Variants in KIF1B observed in about 807,000 individuals in gnomAD.
KIF1B encodes the protein kinesin-like protein KIF1B.
In KIF1B, 76 loss-of-function variants were observed where a neutral mutation model predicts 241.9. The ratio of observed to expected loss-of-function variants is 0.31; its 90% CI spans 0.26 to 0.38. The LOEUF (loss-of-function observed/expected upper bound fraction) is 0.38, where lower values mean the gene tolerates loss of function less well. KIF1B is among the 10% of genes least tolerant of loss of function. KIF1B has a pLI of 1.00. For missense variants in KIF1B, 1,622 were observed against 2,271.4 expected (o/e 0.71, Z 5.81); for synonymous variants, 750 against 796.7 (o/e 0.94, Z 0.99).
chr1:10,256,165 G>A, intron 2 of KIF1B, 82 bp from the exon 3 acceptor site: 1 of 891,448 alleles, frequency 1.1e-6, no homozygotes, highest in Non-Finnish European at 1.9e-6. Flanking sequence ...TGATTGGGAT[G>A]TTTTGAACAC....
At chr1:10,223,561 T>G (rs1282160360) in intron 1 of KIF1B, among the ~76,000 whole-genome samples, 6 of 150,976 alleles carry the variant, frequency 4.0e-5, no homozygotes, top group African/African-American at 7.3e-5. Context: ...TTTTTTTTTT[T>G]TTTTTAGACG....
chr1:10,308,001 G>T (rs1650910518), intron 22 of KIF1B: 5 of 1,056,956 alleles, frequency 4.7e-6, no homozygotes, highest in Admixed American at 5.4e-5. Flanking sequence ...GTGACCTTTT[G>T]TGCTTTAGGT....
At chr1:10,304,988 TG>T in intron 22 of KIF1B, 1 of 1,128,242 alleles carries the variant, frequency 8.9e-7, no homozygotes, top group Non-Finnish European at 1.1e-6. Context: ...TAAATTAATC[TG>T]ACATCCAGAA....
chr1:10,225,205 G>A (rs1646895011), intron 1 of KIF1B, among the ~76,000 whole-genome samples: 1 of 152,158 alleles, frequency 6.6e-6, no homozygotes, highest in Admixed American at 6.6e-5. Context: ...CTTGACTAAG[G>A]CTGGGTGTGG....
rs529036136 is a variant in KIF1B, at chr1:10,366,047, A to G, written c.4752+399A>G. On this transcript the variant is annotated intron_variant, in intron 43 of 48. Coordinates refer to ENST00000676179, the MANE Select transcript of KIF1B (RefSeq NM_001365951.3). ...GGAGTTCGAGACCAGCCTGGCCAACATGGTGAAACCCTGTCTCTACTAAAA... is the reference window on the plus strand; with the variant it reads ...GGAGTTCGAGACCAGCCTGGCCAACGTGGTGAAACCCTGTCTCTACTAAAA... 7.9e-5 allele frequency among the ~76,000 whole-genome samples: 12 copies of G among 152,184 alleles called. No homozygotes were observed. The East Asian group carries it at 1.9e-3, about 25-fold the overall frequency.
chr1:10,335,047 C>T (rs1652113843), intron 28 of KIF1B, among the ~76,000 whole-genome samples: 1 of 151,904 alleles, frequency 6.6e-6, no homozygotes, highest in African/African-American at 2.4e-5. Flanking sequence ...AGCCATCCTC[C>T]CACCTCAGCC....
At chr1:10,213,550 G>C (rs1180407217) in intron 1 of KIF1B, among the ~76,000 whole-genome samples, 3 of 152,078 alleles carry the variant, frequency 2.0e-5, no homozygotes, top group Non-Finnish European at 4.4e-5. Context: ...CTGCCTTCCT[G>C]TTTGTAATCC....
chr1:10,358,513 A>G (rs977792825), intron 38 of KIF1B, among the ~76,000 whole-genome samples: 1 of 152,124 alleles, frequency 6.6e-6, no homozygotes, highest in Non-Finnish European at 1.5e-5. Context: ...AAATGGGACA[A>G]ATAAGCCCCG....
intron 15 of KIF1B, among the ~76,000 whole-genome samples, chr1:10,285,714 T>A (rs12120191): frequency 6.6e-6 from 1 of 151,940 alleles, no homozygotes; most frequent in Non-Finnish European, 1.5e-5. Context: ...GGTGAGAATT[T>A]CTTTCGGGCA....
At chr1:10,375,218 G>C (rs200479957) in intron 47 of KIF1B, 37 bp from the exon 48 acceptor site, 2 of 1,567,548 alleles carry the variant, frequency 1.3e-6, no homozygotes, top group African/African-American at 1.3e-5. Flanking sequence ...TGCTGTCTCT[G>C]TAGTAACTTT....
Position 10,341,965 on chromosome 1 carries a change from A to C in KIF1B, c.3514-85A>C, listed in dbSNP as rs1198560282. 17 of 975,270 alleles carry C rather than the reference A, an allele frequency of 1.7e-5. No homozygotes were observed. In the South Asian group the frequency reaches 1.9e-4, roughly 11 times the overall value. The allele number at this position is 975,270 out of a possible 1,614,324, so 60.4% of individuals were successfully genotyped here. On this transcript the variant is annotated intron_variant, in intron 32 of 48. Coordinates refer to ENST00000676179, the MANE Select transcript of KIF1B (RefSeq NM_001365951.3). Reference sequence around the variant, plus strand: ...AGACCTTGCCTCAAAAAAAAAAAAAAAAACCCAAAATACGTACTAAAGTTC... The same window carrying C: ...AGACCTTGCCTCAAAAAAAAAAAAACAAACCCAAAATACGTACTAAAGTTC...
At chr1:10,215,160 A>ATTT (rs1646748155) in intron 1 of KIF1B, among the ~76,000 whole-genome samples, 1 of 69,750 alleles carries the variant, frequency 1.4e-5, no homozygotes, top group Non-Finnish European at 2.5e-5. Context: ...ATATATATAT[A>ATTT]TATATATATA....
chr1:10,369,938 G>GAAAACAA (rs1638681616), intron 44 of KIF1B, among the ~76,000 whole-genome samples: 1 of 148,526 alleles, frequency 6.7e-6, no homozygotes. Context: ...GCCTCAAAAA[G>GAAAACAA]AAAACAAAAA....
intron 22 of KIF1B, among the ~76,000 whole-genome samples, chr1:10,301,570 G>A (rs1157565474): frequency 6.6e-6 from 1 of 152,086 alleles, no homozygotes; most frequent in Non-Finnish European, 1.5e-5. Flanking sequence ...GGAGGCTGAG[G>A]CAGGAGAATT....
At position 10,365,216 on chromosome 1, in the gene KIF1B, G is replaced by A; in HGVS notation, c.4483G>A (p.Glu1495Lys). ...CAGCCTCATCCTTGAGCACCAGTGG[G>A]AGCTGGAGAAGCTGGAGCTCCTACA... ...GDSLILEHQW[E>K]LEKLELLHEV... The change falls in exon 42 of 49, where the codon GAG (glutamate) becomes AAG (lysine). Residue 1495 changes from glutamate (E) to lysine (K), a missense_variant. This residue lies in a region of KIF1B where 357 missense variants were observed against 409.0 expected (regional missense o/e 0.87). Coordinates refer to ENST00000676179, the MANE Select transcript of KIF1B (RefSeq NM_001365951.3). This position sits in a 1 kb window ranked among gnomAD's most constrained non-coding sequence, Gnocchi z 4.0. 3 of 1,614,082 alleles carry A rather than the reference G, an allele frequency of 1.9e-6. No homozygotes were observed. Among genetic ancestry groups the A allele is most frequent in the Non-Finnish European group, 2.5e-6 (3 of 1,180,010 alleles).
At chr1:10,320,628 C>A (rs1380626270) in intron 23 of KIF1B, among the ~76,000 whole-genome samples, 2 of 152,210 alleles carry the variant, frequency 1.3e-5, no homozygotes, top group Non-Finnish European at 2.9e-5. Context: ...TGAACACTTA[C>A]CACAATTCGT....
At chr1:10,294,018 A>G (rs1650138337) in intron 17 of KIF1B, among the ~76,000 whole-genome samples, 1 of 152,186 alleles carries the variant, frequency 6.6e-6, no homozygotes, top group Non-Finnish European at 1.5e-5. Flanking sequence ...TCAACTACAA[A>G]GGGGGATGCT....
intron 48 of KIF1B, 92 bp downstream of exon 48, chr1:10,375,465 A>T: frequency 1.0e-6 from 1 of 992,622 alleles, no homozygotes; most frequent in Non-Finnish European, 1.6e-6. Flanking sequence ...GCTCACTGCA[A>T]CCTCCGCCCC....
chr1:10,366,451 C>T (rs564520089), intron 43 of KIF1B, among the ~76,000 whole-genome samples: 2 of 151,286 alleles, frequency 1.3e-5, no homozygotes, highest in Admixed American at 6.6e-5. Flanking sequence ...CAGTGGTGTC[C>T]TGCGTGATCA....
Sources: allele counts gnomAD v4.1 joint callset (sites outside exome capture counted in the v4.1 genomes callset), GRCh38; gene constraint gnomAD v4.1.1; regional missense constraint gnomAD v4.1.1; non-coding constraint Gnocchi (gnomAD v3.1); transcripts MANE v1.5; gene names NCBI Gene and HGNC (gene_info 2026-07-23, HGNC 2026-07-21).